The following MSH3 variants were observed in gnomAD, a reference collection of about 807,000 sequenced individuals.
The protein encoded by MSH3 is DNA mismatch repair protein Msh3.
A neutral mutation model predicts 123.3 loss-of-function variants in MSH3; 106 were observed. The ratio of observed to expected loss-of-function variants is 0.86; its 90% CI spans 0.73 to 1.01. MSH3 has a LOEUF of 1.01. Among genes scored for constraint, MSH3 ranks in the 50% least tolerant of loss-of-function variants. The pLI, the probability that MSH3 is intolerant of heterozygous loss-of-function variation, is 0.00. For synonymous variants in MSH3, 515 were observed against 481.4 expected (o/e 1.07, Z -0.91); for missense variants, 1,459 against 1,347.6 (o/e 1.08, Z -1.29).
intron 15 of MSH3, among the ~76,000 whole-genome samples, chr5:80,772,945 C>G (rs1052556566): frequency 6.6e-6 from 1 of 152,146 alleles, no homozygotes; most frequent in Non-Finnish European, 1.5e-5. Context: ...TCCTGACTCT[C>G]GCTGTTTTCC....
intron 8 of MSH3, among the ~76,000 whole-genome samples, chr5:80,705,725 C>T (rs896333725): frequency 3.3e-5 from 5 of 152,254 alleles, no homozygotes; most frequent in Middle Eastern, 3.4e-3. Context: ...CTGTTCCAGG[C>T]CTCTCCTTGA....
At chr5:80,723,587 A>G (rs1205749186) in intron 8 of MSH3, among the ~76,000 whole-genome samples, 4 of 152,224 alleles carry the variant, frequency 2.6e-5, no homozygotes, top group African/African-American at 9.6e-5. Flanking sequence ...AAGCACATGT[A>G]TCTTCATGTA....
chr5:80,797,910 A>G (rs1744726479), intron 19 of MSH3, among the ~76,000 whole-genome samples: 1 of 151,490 alleles, frequency 6.6e-6, no homozygotes, highest in African/African-American at 2.4e-5. Context: ...CAGCGAACCC[A>G]CTGCAATCTC....
intron 4 of MSH3, 89 bp from the exon 5 acceptor site, chr5:80,672,155 C>T: frequency 1.1e-6 from 1 of 941,982 alleles, no homozygotes; most frequent in Non-Finnish European, 1.7e-6. Flanking sequence ...TAAATGTATA[C>T]CTTGATTAAT....
chr5:80,820,070 T>G (rs1745179740), intron 20 of MSH3, among the ~76,000 whole-genome samples: 1 of 152,226 alleles, frequency 6.6e-6, no homozygotes, highest in South Asian at 2.1e-4. Context: ...ATGTTTTTCC[T>G]GTCATCTTCC....
At chr5:80,771,660 T>TA (rs1304431253) in intron 15 of MSH3, among the ~76,000 whole-genome samples, 2 of 152,200 alleles carry the variant, frequency 1.3e-5, no homozygotes, top group Non-Finnish European at 2.9e-5. Context: ...TTTCTATACA[T>TA]ATGTCTTTTG....
intron 8 of MSH3, among the ~76,000 whole-genome samples, chr5:80,686,369 C>T (rs2112824620): frequency 6.6e-6 from 1 of 152,118 alleles, no homozygotes; most frequent in East Asian, 1.9e-4. Flanking sequence ...GTGGCATGAT[C>T]TCAGTACACT....
intron 19 of MSH3, among the ~76,000 whole-genome samples, chr5:80,798,416 G>A (rs1253625156): frequency 4.6e-5 from 7 of 152,074 alleles, no homozygotes; most frequent in Non-Finnish European, 1.0e-4. Context: ...TGTCTAGCTG[G>A]CCCAGAAATA....
At chr5:80,785,016 A>G (rs1451860668) in intron 17 of MSH3, among the ~76,000 whole-genome samples, 1 of 152,202 alleles carries the variant, frequency 6.6e-6, no homozygotes, top group African/African-American at 2.4e-5. Context: ...GAAATATCAG[A>G]AGTTACAGTT....
intron 17 of MSH3, among the ~76,000 whole-genome samples, chr5:80,780,592 C>T (rs1038383815): frequency 3.3e-5 from 5 of 152,100 alleles, no homozygotes; most frequent in South Asian, 4.1e-4. Flanking sequence ...ACAGGCCAGG[C>T]GCAGTGGCTC....
intron 21 of MSH3, among the ~76,000 whole-genome samples, chr5:80,859,293 G>C (rs1360153179): frequency 6.6e-6 from 1 of 151,924 alleles, no homozygotes; most frequent in Non-Finnish European, 1.5e-5. Context: ...GCTAATTTTT[G>C]TATTCTTTTT....
intron 20 of MSH3, among the ~76,000 whole-genome samples, chr5:80,823,273 T>G (rs1745233373): frequency 6.6e-6 from 1 of 152,200 alleles, no homozygotes; most frequent in African/African-American, 2.4e-5. Flanking sequence ...AAGTAAAACC[T>G]CCTCACCCTC....
At chr5:80,837,348 G>A (rs953184311) in intron 20 of MSH3, among the ~76,000 whole-genome samples, 1 of 152,144 alleles carries the variant, frequency 6.6e-6, no homozygotes, top group African/African-American at 2.4e-5. Context: ...GGAGGCTGAG[G>A]CAGGAGGATC....
chr5:80,699,125 A>G (rs1580571008), intron 8 of MSH3, among the ~76,000 whole-genome samples: 1 of 152,214 alleles, frequency 6.6e-6, no homozygotes, highest in Non-Finnish European at 1.5e-5. Flanking sequence ...CACCTATCAA[A>G]GTAGCTCACA....
Position 80,768,071 on chromosome 5 carries a change from C to T in MSH3, c.2035C>T (p.Leu679Phe), listed in dbSNP as rs779690872. 1 of 1,613,760 alleles carries T rather than the reference C, an allele frequency of 6.2e-7. No homozygotes were observed. Among genetic ancestry groups the T allele is most frequent in the East Asian group, 2.2e-5 (1 of 44,832 alleles). The change falls in exon 14 of 24, where the codon CTC (leucine) becomes TTC (phenylalanine). Residue 679 changes from leucine (L) to phenylalanine (F), a missense_variant. Coordinates refer to ENST00000265081, the MANE Select transcript of MSH3 (RefSeq NM_002439.5). ...RTVILEIPEL[L>F]SPVEHYLKIL... ...CGTTATTTTAGAAATTCCTGAACTC[C>T]TCAGTCCAGTGGAGCATTACTTAAA...
At chr5:80,733,195 T>TAG (rs1743441182) in intron 10 of MSH3, among the ~76,000 whole-genome samples, 1 of 152,164 alleles carries the variant, frequency 6.6e-6, no homozygotes, top group South Asian at 2.1e-4. Context: ...GGTCATTTGA[T>TAG]TACTGACAGG....
intron 12 of MSH3, among the ~76,000 whole-genome samples, chr5:80,753,936 A>G (rs1743880432): frequency 6.6e-6 from 1 of 152,190 alleles, no homozygotes; most frequent in Non-Finnish European, 1.5e-5. Flanking sequence ...TATAAGCAGA[A>G]TGCATTCCGA....
intron 12 of MSH3, among the ~76,000 whole-genome samples, chr5:80,759,885 A>G (rs1002901703): frequency 6.6e-6 from 1 of 152,208 alleles, no homozygotes; most frequent in Non-Finnish European, 1.5e-5. Context: ...GCTCTCCTGC[A>G]TCGTACTAAC....
intron 13 of MSH3, among the ~76,000 whole-genome samples, chr5:80,766,339 C>CTTTT (rs1166492002): frequency 1.9e-3 from 146 of 78,188 alleles, no homozygotes; most frequent in East Asian, 3.5e-3. Context: ...TGTTTTTTTC[C>CTTTT]TTTTTTTTTT....
Sources: gnomAD v4.1 joint callset for allele counts (sites outside exome capture counted in the v4.1 genomes callset) on GRCh38, gnomAD v4.1.1 for gene constraint, MANE v1.5 for transcripts, NCBI Gene and HGNC (gene_info 2026-07-23, HGNC 2026-07-21) for gene names.